Variants in HCN1 observed in about 807,000 individuals in gnomAD.
HCN1 encodes the protein potassium/sodium hyperpolarization-activated cyclic nucleotide-gated channel 1.
Under a neutral mutation model 78.9 loss-of-function variants are expected in HCN1, and 13 were observed. The observed-to-expected ratio is 0.16, with a 90% confidence interval of 0.11 to 0.26. HCN1 has a LOEUF of 0.26. Among genes scored for constraint, HCN1 ranks in the 10% least tolerant of loss-of-function variants. The pLI is 1.00. For synonymous variants in HCN1, 552 were observed against 455.5 expected (o/e 1.21, Z -2.70); for missense variants, 810 against 1,154.3 (o/e 0.70, Z 4.32).
At chr5:45,598,455 T>TA (rs1002596711) in intron 2 of HCN1, among the ~76,000 whole-genome samples, 6 of 152,002 alleles carry the variant, frequency 3.9e-5, no homozygotes, top group African/African-American at 1.5e-4. Context: ...CCTAAAACCA[T>TA]AAAAAACCCT....
chr5:45,378,718 A>G (rs1747741902), intron 4 of HCN1, among the ~76,000 whole-genome samples: 1 of 152,056 alleles, frequency 6.6e-6, no homozygotes, highest in African/African-American at 2.4e-5. Flanking sequence ...GCTGTGCTGC[A>G]CCCATTAACT....
chr5:45,372,279 AT>A (rs1183788938), intron 4 of HCN1, among the ~76,000 whole-genome samples: 3,004 of 92,182 alleles, frequency 0.033, 64 homozygotes, highest in Non-Finnish European at 0.046. Context: ...ATTTATATAT[AT>A]AATATATATT....
chr5:45,481,250 C>G (rs1453868954), intron 2 of HCN1, among the ~76,000 whole-genome samples: 3 of 152,204 alleles, frequency 2.0e-5, no homozygotes, highest in Non-Finnish European at 4.4e-5. Flanking sequence ...CTGCTGATAT[C>G]TCTCATGAAC....
chr5:45,453,298 T>A (rs1236312761), intron 3 of HCN1, among the ~76,000 whole-genome samples: 2 of 152,050 alleles, frequency 1.3e-5, no homozygotes, highest in Non-Finnish European at 2.9e-5. Flanking sequence ...TTGAAGACAA[T>A]GTTACTATTT....
chr5:45,363,106 TA>T (rs1747153623), intron 4 of HCN1, among the ~76,000 whole-genome samples: 2 of 143,848 alleles, frequency 1.4e-5, no homozygotes, highest in East Asian at 4.0e-4. Context: ...ATATATATAA[TA>T]TTTACATATT....
chr5:45,374,751 T>C (rs1936639277), intron 4 of HCN1, among the ~76,000 whole-genome samples: 1 of 144,122 alleles, frequency 6.9e-6, no homozygotes, highest in South Asian at 2.2e-4. Context: ...CTCAACAAAA[T>C]ACTTGCAAAA....
chr5:45,620,770 C>T (rs1362429934), intron 2 of HCN1, among the ~76,000 whole-genome samples: 2 of 152,080 alleles, frequency 1.3e-5, no homozygotes, highest in Non-Finnish European at 2.9e-5. Flanking sequence ...CATAATATTG[C>T]TCCTTTACAA....
intron 5 of HCN1, among the ~76,000 whole-genome samples, chr5:45,338,582 T>A (rs750174361): frequency 2.0e-5 from 3 of 151,958 alleles, no homozygotes; most frequent in Non-Finnish European, 2.9e-5. Flanking sequence ...TGTCATTCAA[T>A]GTCTTCTATG....
intron 2 of HCN1, among the ~76,000 whole-genome samples, chr5:45,512,101 A>G (rs1742428211): frequency 6.6e-6 from 1 of 152,132 alleles, no homozygotes; most frequent in South Asian, 2.1e-4. Flanking sequence ...GCAACTAGCC[A>G]GCTTTTCTAG....
At chr5:45,409,624 T>C (rs1739989091) in intron 3 of HCN1, among the ~76,000 whole-genome samples, 1 of 152,000 alleles carries the variant, frequency 6.6e-6, no homozygotes, top group Non-Finnish European at 1.5e-5. Flanking sequence ...TTTTTTCTTC[T>C]ACCTAGATTT....
chr5:45,268,542 C>T (rs886944765), intron 6 of HCN1, among the ~76,000 whole-genome samples: 32 of 152,136 alleles, frequency 2.1e-4, no homozygotes, highest in African/African-American at 7.2e-4. Context: ...GAATAAATCA[C>T]GCTGTAGACA....
intron 2 of HCN1, among the ~76,000 whole-genome samples, chr5:45,605,493 G>T (rs1342722591): frequency 6.6e-6 from 1 of 151,344 alleles, no homozygotes; most frequent in Non-Finnish European, 1.5e-5. Flanking sequence ...AAATATTAAG[G>T]TAGTTCTCAG....
chr5:45,660,456 T>C (rs1341882911), intron 1 of HCN1, among the ~76,000 whole-genome samples: 9 of 138,848 alleles, frequency 6.5e-5, no homozygotes, highest in Admixed American at 4.4e-4. Flanking sequence ...CATAACAATA[T>C]TAACTTTAAA....
chr5:45,663,346 T>C (rs1468292978), intron 1 of HCN1, among the ~76,000 whole-genome samples: 2 of 141,332 alleles, frequency 1.4e-5, no homozygotes, highest in African/African-American at 2.7e-5. Flanking sequence ...CCTAAAACCA[T>C]AAAAACCCTA....
At chr5:45,313,092 G>T (rs978570490) in intron 5 of HCN1, among the ~76,000 whole-genome samples, 2 of 152,152 alleles carry the variant, frequency 1.3e-5, no homozygotes, top group East Asian at 3.9e-4. Context: ...TGACCCCCAA[G>T]TAGCCCAATT....
intron 4 of HCN1, among the ~76,000 whole-genome samples, chr5:45,360,311 T>G (rs1747085639): frequency 6.6e-6 from 1 of 151,850 alleles, no homozygotes; most frequent in African/African-American, 2.4e-5. Context: ...TATTTAAAAT[T>G]GTTTGCTCTT....
intron 2 of HCN1, among the ~76,000 whole-genome samples, chr5:45,482,364 C>T (rs115769129): frequency 0.011 from 1,689 of 152,254 alleles, 21 homozygotes; most frequent in African/African-American, 0.017. Context: ...CTCAACCTCA[C>T]GTAAAGTGTA....
intron 5 of HCN1, among the ~76,000 whole-genome samples, chr5:45,349,575 GA>G (rs1218457451): frequency 6.6e-6 from 1 of 152,102 alleles, no homozygotes; most frequent in Non-Finnish European, 1.5e-5. Flanking sequence ...AAAAATTAAA[GA>G]ATGCAGGAGC....
chr5:45,267,404 A>C (rs181746754), intron 6 of HCN1, 151 bp from the exon 7 acceptor site: 1 of 633,916 alleles, frequency 1.6e-6, no homozygotes, highest in South Asian at 2.0e-5. Flanking sequence ...CCTTCTGACA[A>C]AAATATCCGA....
Sources: allele counts gnomAD v4.1 joint callset (sites outside exome capture counted in the v4.1 genomes callset), GRCh38; gene constraint gnomAD v4.1.1; transcripts MANE v1.5; gene names NCBI Gene and HGNC (gene_info 2026-07-23, HGNC 2026-07-21).